The following NKAIN2 variants were observed in gnomAD, a reference collection of about 807,000 sequenced individuals.
NKAIN2 encodes the protein sodium/potassium-transporting ATPase subunit beta-1-interacting protein 2.
A neutral mutation model predicts 32.6 loss-of-function variants in NKAIN2; 14 were observed. The ratio of observed to expected loss-of-function variants is 0.43; its 90% CI spans 0.28 to 0.67. The LOEUF is 0.67. NKAIN2 is among the 30% of genes least tolerant of loss of function. NKAIN2 has a pLI of 0.17. For synonymous variants in NKAIN2, 80 were observed against 87.2 expected (o/e 0.92, Z 0.46); for missense variants, 198 against 258.3 (o/e 0.77, Z 1.60).
intron 4 of NKAIN2, among the ~76,000 whole-genome samples, chr6:124,676,845 T>C (rs1773381352): frequency 6.6e-6 from 1 of 152,202 alleles, no homozygotes; most frequent in Admixed American, 6.5e-5. Context: ...AATATTTGCA[T>C]GGAGTATCTT....
At chr6:123,858,574 G>T (rs1267703429) in intron 1 of NKAIN2, among the ~76,000 whole-genome samples, 1 of 152,234 alleles carries the variant, frequency 6.6e-6, no homozygotes, top group African/African-American at 2.4e-5. Context: ...GGTCATTAAA[G>T]CAGAAAGTAC....
chr6:124,269,018 T>G (rs1356827666), intron 1 of NKAIN2, among the ~76,000 whole-genome samples: 1 of 152,218 alleles, frequency 6.6e-6, no homozygotes, highest in African/African-American at 2.4e-5. Flanking sequence ...GTAAAATATG[T>G]GCACAGATAG....
At chr6:124,104,158 G>A (rs528431237) in intron 1 of NKAIN2, among the ~76,000 whole-genome samples, 6 of 152,138 alleles carry the variant, frequency 3.9e-5, no homozygotes, top group South Asian at 2.1e-4. Flanking sequence ...TTACCCCTTC[G>A]CTCCCCTATT....
intron 4 of NKAIN2, among the ~76,000 whole-genome samples, chr6:124,698,655 T>C (rs1454794513): frequency 6.6e-6 from 1 of 152,232 alleles, no homozygotes; most frequent in Non-Finnish European, 1.5e-5. Context: ...CCTTTGACTG[T>C]CATTCCTATG....
rs1338766453 is a variant in NKAIN2 at position 124,061,727 on chromosome 6, A to G, written c.55-221278A>G. ...TACTGCTTAGCAACCTTTGACAATA[A>G]GCCATACCAAAGAAGAGATCTAGTA... On this transcript the variant is annotated intron_variant, in intron 1 of 6. Transcript: ENST00000368417. Among the ~76,000 whole-genome samples the G allele has an allele frequency of 2.0e-5, 3 of 151,928 alleles. No homozygotes were observed. The East Asian group carries it at 5.8e-4, about 29-fold the overall frequency.
intron 1 of NKAIN2, among the ~76,000 whole-genome samples, chr6:123,892,098 T>C (rs1235157402): frequency 6.6e-6 from 1 of 152,028 alleles, no homozygotes; most frequent in South Asian, 2.1e-4. Flanking sequence ...AAAGAAAAAA[T>C]GGGGAGGTCC....
At chr6:124,586,573 C>T (rs1371468239) in intron 3 of NKAIN2, among the ~76,000 whole-genome samples, 2 of 150,646 alleles carry the variant, frequency 1.3e-5, no homozygotes, top group Non-Finnish European at 3.0e-5. Flanking sequence ...CAAATCTGCA[C>T]AGGGGCCTTC....
chr6:123,888,166 T>C (rs1052022477), intron 1 of NKAIN2, among the ~76,000 whole-genome samples: 1 of 152,098 alleles, frequency 6.6e-6, no homozygotes, highest in Admixed American at 6.6e-5. Context: ...TTATCTCTTA[T>C]GTATAGAATG....
At chr6:124,346,134 T>C (rs953946384) in intron 2 of NKAIN2, among the ~76,000 whole-genome samples, 9 of 152,204 alleles carry the variant, frequency 5.9e-5, no homozygotes, top group African/African-American at 1.9e-4. Flanking sequence ...TTCCATGTAG[T>C]TGAGCAGTTT....
At chr6:123,823,829 A>G (rs556311452) in intron 1 of NKAIN2, among the ~76,000 whole-genome samples, 177 of 152,294 alleles carry the variant, frequency 1.2e-3, no homozygotes, top group Admixed American at 3.9e-3. Context: ...AAGAGGAGGA[A>G]GACTGGGAAA....
intron 4 of NKAIN2, among the ~76,000 whole-genome samples, chr6:124,699,212 T>C (rs548330007): frequency 6.6e-6 from 1 of 152,146 alleles, no homozygotes; most frequent in African/African-American, 2.4e-5. Flanking sequence ...GGGGAAGTCA[T>C]GTGGACTGAG....
At chr6:124,040,037 A>G (rs917642795) in intron 1 of NKAIN2, among the ~76,000 whole-genome samples, 36 of 152,114 alleles carry the variant, frequency 2.4e-4, no homozygotes, top group African/African-American at 7.9e-4. Flanking sequence ...TCAGTAATCA[A>G]TGGCTGTTAT....
chr6:123,909,637 T>C (rs561764352), intron 1 of NKAIN2, among the ~76,000 whole-genome samples: 30 of 152,206 alleles, frequency 2.0e-4, no homozygotes, highest in Non-Finnish European at 3.8e-4. Context: ...AGCTCCTTCA[T>C]TTTTCACATC....
intron 3 of NKAIN2, among the ~76,000 whole-genome samples, chr6:124,603,715 A>G (rs1782392974): frequency 6.6e-6 from 1 of 151,940 alleles, no homozygotes; most frequent in Non-Finnish European, 1.5e-5. Flanking sequence ...CCAAACTGAT[A>G]CACTGAGAGT....
intron 3 of NKAIN2, among the ~76,000 whole-genome samples, chr6:124,514,048 A>G (rs1201459048): frequency 6.6e-6 from 1 of 152,194 alleles, no homozygotes; most frequent in Non-Finnish European, 1.5e-5. Flanking sequence ...GATATTCATG[A>G]ACCAAATATT....
chr6:124,242,009 A>G (rs1338141258), intron 1 of NKAIN2, among the ~76,000 whole-genome samples: 16 of 152,148 alleles, frequency 1.1e-4, no homozygotes, highest in Non-Finnish European at 4.4e-5. Flanking sequence ...CTTCATGACT[A>G]AAACACCAAA....
chr6:124,293,422 A>C (rs2114954019), intron 2 of NKAIN2, among the ~76,000 whole-genome samples: 1 of 152,130 alleles, frequency 6.6e-6, no homozygotes, highest in South Asian at 2.1e-4. Flanking sequence ...AATATTTTTA[A>C]AATTATGCGG....
At chr6:124,365,812 T>G (rs988308124) in intron 3 of NKAIN2, among the ~76,000 whole-genome samples, 1 of 152,106 alleles carries the variant, frequency 6.6e-6, no homozygotes, top group Non-Finnish European at 1.5e-5. Flanking sequence ...TCAGCAAGTA[T>G]TGTCTGACAA....
chr6:124,451,046 C>G (rs887843074), intron 3 of NKAIN2, among the ~76,000 whole-genome samples: 8 of 152,022 alleles, frequency 5.3e-5, no homozygotes, highest in Non-Finnish European at 1.0e-4. Flanking sequence ...TAGAAAGAAT[C>G]AGTTAAAATA....
Sources: gnomAD v4.1 joint callset for allele counts (sites outside exome capture counted in the v4.1 genomes callset) on GRCh38, gnomAD v4.1.1 for gene constraint, MANE v1.5 for transcripts, NCBI Gene and HGNC (gene_info 2026-07-23, HGNC 2026-07-21) for gene names.